Variants in KALRN observed in about 807,000 individuals in gnomAD.
KALRN encodes kalirin.
A neutral mutation model predicts 353.7 loss-of-function variants in KALRN; 70 were observed. That is an observed-to-expected ratio of 0.20 (90% CI 0.16 to 0.24). KALRN has a LOEUF of 0.24. Among genes scored for constraint, KALRN ranks in the 10% least tolerant of loss-of-function variants. The pLI is 1.00. For synonymous variants in KALRN, 1,391 were observed against 1,434.8 expected (o/e 0.97, Z 0.69); for missense variants, 2,791 against 3,756.7 (o/e 0.74, Z 6.72).
intron 11 of KALRN, among the ~76,000 whole-genome samples, chr3:124,387,567 C>T (rs2088577532): frequency 6.6e-6 from 1 of 152,142 alleles, no homozygotes; most frequent in Non-Finnish European, 1.5e-5. Context: ...ATGCTTTTTT[C>T]TCCTTTGCCA....
intron 1 of KALRN, among the ~76,000 whole-genome samples, chr3:124,114,924 C>T (rs1272898261): frequency 6.6e-6 from 1 of 152,178 alleles, no homozygotes; most frequent in Non-Finnish European, 1.5e-5. Flanking sequence ...GTATTGAATG[C>T]CTACCCTGTG....
At chr3:124,667,793 G>C (rs186312395) in intron 47 of KALRN, among the ~76,000 whole-genome samples, 5 of 152,274 alleles carry the variant, frequency 3.3e-5, no homozygotes, top group Admixed American at 3.3e-4. Context: ...CTCATGGGTG[G>C]TGTGAACTGG....
At chr3:124,612,627 G>A (rs758884321) in intron 34 of KALRN, among the ~76,000 whole-genome samples, 3 of 152,044 alleles carry the variant, frequency 2.0e-5, no homozygotes, top group Admixed American at 6.6e-5. Flanking sequence ...GTGAGCCGTC[G>A]AGCCCAGCCG....
intron 3 of KALRN, among the ~76,000 whole-genome samples, chr3:124,236,610 T>C (rs1442377612): frequency 6.6e-6 from 1 of 152,220 alleles, no homozygotes; most frequent in Non-Finnish European, 1.5e-5. Flanking sequence ...TGCAGCTAAT[T>C]GATGCTCATC....
chr3:124,640,441 T>C (rs11720780), intron 37 of KALRN, among the ~76,000 whole-genome samples: 4,253 of 151,950 alleles, frequency 0.028, 108 homozygotes, highest in East Asian at 0.13. Context: ...CACACCACCA[T>C]GCCTGGCTAA....
chr3:124,136,418 C>A (rs539672002), intron 1 of KALRN, among the ~76,000 whole-genome samples: 1 of 152,232 alleles, frequency 6.6e-6, no homozygotes, highest in East Asian at 1.9e-4. Context: ...CTATGAGAGC[C>A]CCTGATCCTT....
chr3:124,490,967 C>G (rs1414596604), intron 30 of KALRN, 83 bp downstream of exon 30: 6 of 1,275,082 alleles, frequency 4.7e-6, no homozygotes. Context: ...ACACTCATCT[C>G]ATCTCCTCCC....
intron 6 of KALRN, among the ~76,000 whole-genome samples, chr3:124,300,269 A>G (rs553260038): frequency 1.3e-5 from 2 of 152,334 alleles, no homozygotes; most frequent in East Asian, 3.9e-4. Context: ...GTAGATAATC[A>G]TGGTGCAGCT....
chr3:124,637,637 A>G (rs1450565641), intron 37 of KALRN, among the ~76,000 whole-genome samples: 1 of 152,230 alleles, frequency 6.6e-6, no homozygotes, highest in Non-Finnish European at 1.5e-5. Context: ...CCCAGAAGCT[A>G]GTACACCGCG....
intron 33 of KALRN, among the ~76,000 whole-genome samples, chr3:124,524,540 G>A (rs1467108587): frequency 6.6e-6 from 1 of 152,142 alleles, no homozygotes; most frequent in African/African-American, 2.4e-5. Flanking sequence ...AAAGTGTGCT[G>A]TGAAAATGAC....
rs138371316 is a variant in KALRN at position 124,155,181 on chromosome 3, T to C, written c.74-72809T>C. Among the ~76,000 whole-genome samples, 1,161 of 152,318 alleles carry C rather than the reference T, an allele frequency of 7.6e-3. 14 individuals carry two copies. Among genetic ancestry groups the C allele is most frequent in the African/African-American group, 0.024 (1,005 of 41,560 alleles). On this transcript the variant is annotated intron_variant, in intron 1 of 59. Coordinates refer to ENST00000682506, the MANE Select transcript of KALRN (RefSeq NM_001388419.1). ...CTAGAAGAAAACCTGGCCATTACCATTCAGGACATAGGCATGGGCAAGGAC... is the reference window on the plus strand; with the variant it reads ...CTAGAAGAAAACCTGGCCATTACCACTCAGGACATAGGCATGGGCAAGGAC...
Position 124,315,437 on chromosome 3 carries a change from T to C in KALRN, c.1093-10543T>C, listed in dbSNP as rs567671154. On this transcript the variant is annotated intron_variant, in intron 6 of 59. Transcript: ENST00000682506. Reference sequence around the variant, plus strand: ...GCTGATGACTCAGGTTTCTGACTCATGGTTGGCACTGCCTGGCTCAACCAT... The same window carrying C: ...GCTGATGACTCAGGTTTCTGACTCACGGTTGGCACTGCCTGGCTCAACCAT... Among the ~76,000 whole-genome samples the C allele has an allele frequency of 3.3e-5, 5 of 152,296 alleles. No homozygotes were observed. In the East Asian group the frequency reaches 7.7e-4, roughly 24 times the overall value.
Position 124,395,292 on chromosome 3 carries a change from T to G in KALRN, c.2120T>G (p.Ile707Ser), listed in dbSNP as rs376459385. ...LNVIKEGEDL[I>S]QQLRSAPPSL... is the part of the protein sequence containing the mutation. Reference sequence around the variant, plus strand: ...GTCATCAAGGAAGGCGAAGACCTTATCCAGCAGCTCAGGTCAGCGCCTCCC... The same window carrying G: ...GTCATCAAGGAAGGCGAAGACCTTAGCCAGCAGCTCAGGTCAGCGCCTCCC... Residue 707 changes from isoleucine (I) to serine (S), a missense_variant, in exon 12 of 60, where the codon ATC (isoleucine) becomes AGC (serine). Coordinates refer to ENST00000682506, the MANE Select transcript of KALRN (RefSeq NM_001388419.1). 1.2e-6 allele frequency: 2 copies of G among 1,613,470 alleles called. No individual in the cohort carries two copies. Among genetic ancestry groups the G allele is most frequent in the Non-Finnish European group, 1.7e-6 (2 of 1,179,910 alleles).
intron 34 of KALRN, among the ~76,000 whole-genome samples, chr3:124,570,083 T>C (rs1166124898): frequency 6.6e-6 from 1 of 152,088 alleles, no homozygotes; most frequent in African/African-American, 2.4e-5. Context: ...CAGGCTCCTC[T>C]GCCTACCAGG....
intron 6 of KALRN, 31 bp from the exon 7 acceptor site, chr3:124,325,949 G>GC: frequency 6.3e-7 from 1 of 1,583,672 alleles, no homozygotes; most frequent in Non-Finnish European, 8.6e-7. Flanking sequence ...TTTTGAGCCT[G>GC]CCCCACTGAG....
chr3:124,136,315 C>T (rs1020540479), intron 1 of KALRN, among the ~76,000 whole-genome samples: 5 of 152,130 alleles, frequency 3.3e-5, no homozygotes, highest in South Asian at 2.1e-4. Context: ...CTACCTTCAG[C>T]GTTTCTGATT....
intron 19 of KALRN, among the ~76,000 whole-genome samples, chr3:124,444,824 A>G (rs916010017): frequency 2.6e-5 from 4 of 151,250 alleles, no homozygotes; most frequent in Admixed American, 2.6e-4. Context: ...AACAAGAAAA[A>G]GAAAGAAAGA....
At chr3:124,296,765 C>T (rs1002166396) in intron 5 of KALRN, among the ~76,000 whole-genome samples, 2 of 152,258 alleles carry the variant, frequency 1.3e-5, no homozygotes, top group Non-Finnish European at 2.9e-5. Flanking sequence ...TCATTGCCCT[C>T]GACACAGTGG....
At chr3:124,409,152 T>TG (rs2091904353) in intron 13 of KALRN, among the ~76,000 whole-genome samples, 1 of 151,612 alleles carries the variant, frequency 6.6e-6, no homozygotes, top group Non-Finnish European at 1.5e-5. Flanking sequence ...TTCAGGAGAG[T>TG]GGGGGAGACA....
Sources: allele counts gnomAD v4.1 joint callset (sites outside exome capture counted in the v4.1 genomes callset), GRCh38; gene constraint gnomAD v4.1.1; transcripts MANE v1.5; gene names NCBI Gene and HGNC (gene_info 2026-07-23, HGNC 2026-07-21).